The following HMMR variants were observed in gnomAD, a reference collection of about 807,000 sequenced individuals.
HMMR encodes the protein intracellular hyaluronic acid-binding protein.
Under a neutral mutation model 101.0 loss-of-function variants are expected in HMMR, and 108 were observed. The observed-to-expected ratio is 1.07, with a 90% CI of 0.92 to 1.25. HMMR has a LOEUF of 1.25. Among genes scored for constraint, HMMR ranks in the 50% most tolerant of loss-of-function variants. HMMR has a pLI of 0.00. For synonymous variants in HMMR, 296 were observed against 276.4 expected, an observed-to-expected ratio of 1.07 and a Z score of -0.70; for missense variants, 813 against 788.7, an observed-to-expected ratio of 1.03 and a Z score of -0.37.
intron 3 of HMMR, among the ~76,000 whole-genome samples, chr5:163,465,532 A>G (rs564218921): frequency 1.1e-5 from 1 of 94,950 alleles, no homozygotes; most frequent in East Asian, 3.2e-4. Flanking sequence ...ACGAGGTTTA[A>G]ACATATTAGC....
chr5:163,473,706 AAAC>A, intron 9 of HMMR, 149 bp downstream of exon 9: 1 of 545,952 alleles, frequency 1.8e-6, no homozygotes, highest in Middle Eastern at 4.8e-4. Flanking sequence ...ACAACAGCAA[AAAC>A]CTGTACTGCA....
rs753900186 is a variant in HMMR, at chr5:163,471,227, T to C, written c.505T>C (p.Leu169=). ...GNQKNLRILS[L]ELMKLRNKRE... Reference sequence around the variant, plus strand: ...CCAGAAGAATTTGAGAATTCTAAGCTTGGAGTTGATGAAACTTAGAAACAA... The same window carrying C: ...CCAGAAGAATTTGAGAATTCTAAGCCTGGAGTTGATGAAACTTAGAAACAA... The change falls in exon 6 of 18, where the codon TTG becomes CTG. Residue 169 remains leucine, a synonymous_variant. Transcript: ENST00000393915. 5 of 1,613,094 alleles carry C rather than the reference T, an allele frequency of 3.1e-6. No individual in the cohort carries two copies. Among genetic ancestry groups the C allele is most frequent in the Non-Finnish European group, 4.2e-6 (5 of 1,179,084 alleles).
chr5:163,473,282 C>T (rs1052807589), intron 8 of HMMR, 29 bp downstream of exon 8: 9 of 1,491,206 alleles, frequency 6.0e-6, no homozygotes, highest in East Asian at 4.5e-5. Flanking sequence ...TTAAATTGAA[C>T]CTTATTTTTT....
Position 163,491,199 on chromosome 5 carries a change from G to A in HMMR, c.*35G>A, listed in dbSNP as rs371259864. 83 of 1,243,910 alleles carry A rather than the reference G, an allele frequency of 6.7e-5. No individual in the cohort carries two copies. Among genetic ancestry groups the A allele is most frequent in the South Asian group, 2.3e-4 (17 of 72,590 alleles). The allele number at this position is 1,243,910 out of a possible 1,614,324, so 77.1% of individuals were successfully genotyped here. A position where few individuals can be genotyped will look rare whatever the true frequency, so the allele number is the denominator to read the frequency against. ...AAACCTGTTGAAGATTATTTCATTCGTCTTGTTGTTATTGATGTTGCTGTT... is the reference window on the plus strand; with the variant it reads ...AAACCTGTTGAAGATTATTTCATTCATCTTGTTGTTATTGATGTTGCTGTT... On this transcript the variant is annotated 3_prime_UTR_variant, in exon 18 of 18. Transcript: ENST00000393915.
At chr5:163,465,135 T>C (rs1045476414) in intron 3 of HMMR, 2 of 224,952 alleles carry the variant, frequency 8.9e-6, no homozygotes, top group Admixed American at 5.6e-5. Context: ...TTTTGTGTAT[T>C]TGTTTGTGGG....
Position 163,469,679 on chromosome 5 carries a change from G to A in HMMR, c.312G>A (p.Arg104=), listed in dbSNP as rs763869411. 3.7e-6 allele frequency: 6 copies of A among 1,614,026 alleles called. No individual in the cohort carries two copies. The highest frequency in any genetic ancestry group is 4.2e-6 in the Non-Finnish European group (5 of 1,179,978). The change falls in exon 5 of 18, where the codon AGG becomes AGA. Residue 104 remains arginine, a synonymous_variant. Coordinates refer to ENST00000393915, the MANE Select transcript of HMMR (RefSeq NM_001142556.2). ...VLLQERGAQD[R]RIQDLETELE... ...TACAGGAACGTGGTGCCCAGGACAG[G>A]CGGATCCAGGATCTGGAAACTGAGT...
Position 163,483,187 on chromosome 5 carries a change from G to A in HMMR, c.1685+15G>A. On this transcript the variant is annotated intron_variant, in intron 14 of 17. Transcript: ENST00000393915. The stretch of plus-strand genomic sequence containing the variant: ...GAAGAAGGAAGGTAATCTATGATTA[G>A]AACCTGAGTGCCTTGTTAACTCAGT... The A allele has an allele frequency of 6.2e-7, 1 of 1,606,980 alleles. No individual in the cohort carries two copies. Among genetic ancestry groups the A allele is most frequent in the Non-Finnish European group, 8.5e-7 (1 of 1,176,398 alleles).
intron 1 of HMMR, among the ~76,000 whole-genome samples, chr5:163,461,467 C>A (rs1044679533): frequency 9.2e-5 from 14 of 152,224 alleles, no homozygotes; most frequent in Admixed American, 1.3e-4. Context: ...AACCAGGAAG[C>A]CTTAGCTGTG....
At chr5:163,489,396 A>T (rs1759598144) in intron 16 of HMMR, 1 of 152,316 alleles carries the variant, frequency 6.6e-6, no homozygotes. Context: ...TTGAAAAGAA[A>T]TGAGGAGCTC....
Position 163,484,098 on chromosome 5 carries a change from A to G in HMMR, c.1815A>G (p.Lys605=). Residue 605 remains lysine (K), a synonymous_variant, in exon 16 of 18, where the codon AAA becomes AAG. Transcript: ENST00000393915. The part of the protein sequence containing the change: ...QLQLDAFEVE[K]QALLNEHGAA... ...AACTAGATGCTTTTGAAGTAGAAAA[A>G]CAGGCATTGTTGAATGAACATGGTG... The G allele has an allele frequency of 6.3e-7, 1 of 1,596,620 alleles. No homozygotes were observed. Among genetic ancestry groups the G allele is most frequent in the East Asian group, 2.3e-5 (1 of 44,196 alleles).
chr5:163,469,206 T>C (rs913646680), intron 4 of HMMR, among the ~76,000 whole-genome samples: 1 of 150,644 alleles, frequency 6.6e-6, no homozygotes, highest in Non-Finnish European at 1.5e-5. Flanking sequence ...CTATTAAAAA[T>C]ACAAAAAATT....
At chr5:163,464,396 A>T (rs1039019200) in intron 2 of HMMR, among the ~76,000 whole-genome samples, 13 of 152,228 alleles carry the variant, frequency 8.5e-5, no homozygotes, top group African/African-American at 3.1e-4. Context: ...TGGGTGGATC[A>T]CATGAGTTCA....
At chr5:163,480,365 G>T (rs2113497688) in intron 12 of HMMR, among the ~76,000 whole-genome samples, 1 of 152,244 alleles carries the variant, frequency 6.6e-6, no homozygotes, top group Non-Finnish European at 1.5e-5. Flanking sequence ...TCTGCATTAT[G>T]TGTGTTTTCA....
At chr5:163,470,776 G>A (rs958574713) in intron 5 of HMMR, among the ~76,000 whole-genome samples, 17 of 152,120 alleles carry the variant, frequency 1.1e-4, no homozygotes, top group African/African-American at 3.9e-4. Context: ...AATTGCTTGA[G>A]GCCAGGAGTT....
intron 4 of HMMR, 76 bp from the exon 5 acceptor site, chr5:163,469,565 G>A (rs1377528566): frequency 1.7e-6 from 2 of 1,182,658 alleles, no homozygotes; most frequent in Non-Finnish European, 2.5e-6. Flanking sequence ...GAAACTTTAG[G>A]GGTGATTATT....
intron 16 of HMMR, among the ~76,000 whole-genome samples, chr5:163,485,108 T>G (rs1054765303): frequency 2.2e-4 from 34 of 152,194 alleles, no homozygotes; most frequent in Non-Finnish European, 1.0e-4. Context: ...ATTTGTTTTT[T>G]CCTGGGACAT....
chr5:163,482,621 C>CA, intron 12 of HMMR, 21 bp from the exon 13 acceptor site: 4 of 1,563,644 alleles, frequency 2.6e-6, no homozygotes, highest in Non-Finnish European at 3.5e-6. Flanking sequence ...ACTACTTTGA[C>CA]TTTTTTTTCT....
At chr5:163,462,160 A>C (rs1758562069) in intron 1 of HMMR, among the ~76,000 whole-genome samples, 1 of 152,178 alleles carries the variant, frequency 6.6e-6, no homozygotes. Context: ...TTTTGTCAGC[A>C]GTGTGGCTTT....
At chr5:163,461,287 T>A (rs571388079) in intron 1 of HMMR, among the ~76,000 whole-genome samples, 1 of 152,150 alleles carries the variant, frequency 6.6e-6, no homozygotes, top group Non-Finnish European at 1.5e-5. Flanking sequence ...TTACATCGAT[T>A]ATTAGTTATG....
Sources: allele counts gnomAD v4.1 joint callset (sites outside exome capture counted in the v4.1 genomes callset), GRCh38; gene constraint gnomAD v4.1.1; transcripts MANE v1.5; gene names NCBI Gene and HGNC (gene_info 2026-07-23, HGNC 2026-07-21).